NPC1: variants seen among roughly 807,000 people sequenced by gnomAD.
The protein encoded by NPC1 is NPC intracellular cholesterol transporter 1.
Under a neutral mutation model 140.4 loss-of-function variants are expected in NPC1, and 85 were observed. That is an observed-to-expected ratio of 0.61 (90% CI 0.51 to 0.72). The LOEUF (loss-of-function observed/expected upper bound fraction) is 0.72, where lower values mean the gene tolerates loss of function less well. NPC1 is among the 30% of genes least tolerant of loss of function. The pLI, the probability that NPC1 is intolerant of heterozygous loss-of-function variation, is 0.00. For missense variants in NPC1, 1,504 were observed against 1,623.8 expected, an observed-to-expected ratio of 0.93 and a Z score of 1.27; for synonymous variants, 656 against 624.8, an observed-to-expected ratio of 1.05 and a Z score of -0.74.
In NPC1 at chr18:23,586,271, G is replaced by A; in HGVS notation, c.57+16C>T. On this transcript the variant is annotated intron_variant, in intron 1 of 24. Transcript: ENST00000269228. ...CACGTCCCCACAGGGCGTCCCGGTG[G>A]CCGGCGACCGCTCACCTGCGCTGGA... 1 of 1,531,802 alleles carries A rather than the reference G, an allele frequency of 6.5e-7. No individual in the cohort carries two copies. Among genetic ancestry groups the A allele is most frequent in the Non-Finnish European group, 8.7e-7 (1 of 1,145,260 alleles). The allele number at this position is 1,531,802 out of a possible 1,614,324, so 94.9% of individuals were successfully genotyped here.
At chr18:23,556,739 G>A (rs1204917488) in intron 7 of NPC1, 126 bp from the exon 8 acceptor site, 3 of 1,447,702 alleles carry the variant, frequency 2.1e-6, no homozygotes, top group Non-Finnish European at 2.8e-6. Flanking sequence ...ACACATATGA[G>A]ACCCCTGCCC....
At chr18:23,576,370 T>G in intron 1 of NPC1, 54 of 516,990 alleles carry the variant, frequency 1.0e-4, no homozygotes, top group South Asian at 1.7e-4. Context: ...TGCAGTGAGC[T>G]GAGATAGCAC....
intron 5 of NPC1, among the ~76,000 whole-genome samples, chr18:23,560,779 A>G (rs2059027487): frequency 6.6e-6 from 1 of 152,194 alleles, no homozygotes. Flanking sequence ...CTAATACTAT[A>G]GCAGAGCTCT....
chr18:23,549,670 T>A (rs1019659529), intron 10 of NPC1, among the ~76,000 whole-genome samples: 62 of 150,894 alleles, frequency 4.1e-4, no homozygotes, highest in African/African-American at 1.5e-3. Context: ...TTTTTTTTTG[T>A]ATTTCTTCTT....
At chr18:23,571,679 C>A (rs1247108254) in intron 3 of NPC1, among the ~76,000 whole-genome samples, 8 of 150,458 alleles carry the variant, frequency 5.3e-5, no homozygotes, top group Admixed American at 5.3e-4. Context: ...TAAAGAAAAA[C>A]ATAAATAAAA....
downstream of NPC1, chr18:23,529,153 CAT>C (rs781399309): frequency 3.1e-6 from 5 of 1,603,574 alleles, no homozygotes; most frequent in East Asian, 2.2e-5. Flanking sequence ...TGCCGAAGAT[CAT>C]AGTTTGTGGT....
At chr18:23,510,322 CA>C (rs1041112782) in intron 3 of NPC1, among the ~76,000 whole-genome samples, 47 of 133,946 alleles carry the variant, frequency 3.5e-4, no homozygotes, top group African/African-American at 6.0e-4. Flanking sequence ...GACCCCATCT[CA>C]AAAAAAAAAA....
downstream of NPC1, among the ~76,000 whole-genome samples, chr18:23,519,853 T>C (rs971910749): frequency 1.3e-5 from 2 of 152,010 alleles, no homozygotes; most frequent in Non-Finnish European, 2.9e-5. Flanking sequence ...GCCTCTGATA[T>C]AAAGAAGCTG....
rs765043950 is a variant in NPC1 at position 23,543,581 on chromosome 18, A to G, written c.2131-12T>C. The G allele has an allele frequency of 1.3e-6, 2 of 1,512,262 alleles. No homozygotes were observed. Among genetic ancestry groups the G allele is most frequent in the East Asian group, 2.3e-5 (1 of 44,420 alleles). 93.7% of individuals were successfully genotyped at this position (1,512,262 alleles called of 1,614,324 possible). On this transcript the variant is annotated splice_polypyrimidine_tract_variant and intron_variant, in intron 13 of 24. Transcript: ENST00000269228. Reference sequence around the variant, plus strand: ...AGACGTTCATCTCTCTTAAAAAAAAAAAAAAAAAATTATGCGACATTAAAA... The same window carrying G: ...AGACGTTCATCTCTCTTAAAAAAAAGAAAAAAAAATTATGCGACATTAAAA...
At chr18:23,534,218 T>A (rs879364911) in intron 23 of NPC1, 104 of 609,578 alleles carry the variant, frequency 1.7e-4, no homozygotes, top group Non-Finnish European at 2.7e-4. Flanking sequence ...AACTTGTCTG[T>A]TATTTTCCTG....
chr18:23,517,096 GTA>G (rs1235031543), intron 3 of NPC1, among the ~76,000 whole-genome samples: 1 of 151,588 alleles, frequency 6.6e-6, no homozygotes, highest in Non-Finnish European at 1.5e-5. Flanking sequence ...AAGATTTTAT[GTA>G]ACAGACATGG....
chr18:23,553,449 C>T (rs1384262463), intron 9 of NPC1, among the ~76,000 whole-genome samples: 1 of 152,086 alleles, frequency 6.6e-6, no homozygotes, highest in Non-Finnish European at 1.5e-5. Context: ...ATTCTTGAAA[C>T]AGAGTAAATA....
chr18:23,510,947 C>T (rs762224824), intron 3 of NPC1, among the ~76,000 whole-genome samples: 3 of 152,184 alleles, frequency 2.0e-5, no homozygotes, highest in Non-Finnish European at 4.4e-5. Flanking sequence ...AGCAGAACTA[C>T]TGTTTGACCT....
intron 9 of NPC1, among the ~76,000 whole-genome samples, chr18:23,552,854 C>T (rs954575488): frequency 2.6e-5 from 4 of 152,174 alleles, no homozygotes; most frequent in African/African-American, 9.7e-5. Flanking sequence ...CCGTAAGAAC[C>T]CCATGAGGAA....
downstream of NPC1, chr18:23,529,352 T>C: frequency 6.4e-7 from 1 of 1,567,308 alleles, no homozygotes; most frequent in Non-Finnish European, 8.6e-7. Flanking sequence ...AACAAGGAAG[T>C]TGCTGAAAAC....
rs182413311 is a variant in NPC1 at position 23,538,571 on chromosome 18, C to G, written c.3012G>C (p.Ser1004=). The change falls in exon 20 of 25, where the codon TCG becomes TCC. Residue 1004 remains serine (S), a synonymous_variant. Coordinates refer to ENST00000269228, the MANE Select transcript of NPC1 (RefSeq NM_000271.5). ...DFMRFLPMFL[S]DNPNPKCGKG... ...TGCCACACTTGGGGTTAGGGTTATC[C>G]GAAAGGAACATGGGCAGGAATCTCA... 12 of 1,613,970 alleles carry G rather than the reference C, an allele frequency of 7.4e-6. No individual in the cohort carries two copies. The highest frequency in any genetic ancestry group is 1.0e-5 in the Non-Finnish European group (12 of 1,180,014).
intron 4 of NPC1, among the ~76,000 whole-genome samples, chr18:23,564,602 T>G (rs1417198305): frequency 6.6e-6 from 1 of 152,190 alleles, no homozygotes; most frequent in Non-Finnish European, 1.5e-5. Flanking sequence ...GGATAACAGG[T>G]GTGAGTCACT....
chr18:23,545,565 C>G (rs2058777981), intron 11 of NPC1, among the ~76,000 whole-genome samples: 2 of 152,190 alleles, frequency 1.3e-5, no homozygotes, highest in African/African-American at 2.4e-5. Context: ...TTTTCTTAAC[C>G]TTTATCCTGC....
chr18:23,546,248 CAAAAAAAAAAAAAAA>C (rs60021403), intron 11 of NPC1, among the ~76,000 whole-genome samples: 3 of 45,548 alleles, frequency 6.6e-5, no homozygotes, highest in African/African-American at 1.0e-4. Context: ...GACTCTGTCT[CAAAAAAAAAAAAAAA>C]AAAAAAAAAA....
Sources: gnomAD v4.1 joint callset for allele counts (sites outside exome capture counted in the v4.1 genomes callset) on GRCh38, gnomAD v4.1.1 for gene constraint, MANE v1.5 for transcripts, NCBI Gene and HGNC (gene_info 2026-07-23, HGNC 2026-07-21) for gene names.